Variants in ANKRD55 observed in about 807,000 individuals in gnomAD.
ANKRD55 encodes the protein ankyrin repeat domain 55, also known as ankyrin repeat domain-containing protein 55.
ANKRD55 carries 41 observed loss-of-function variants against 60.6 expected under a neutral mutation model. That is an observed-to-expected ratio of 0.68 (90% confidence interval 0.53 to 0.88). The LOEUF is 0.88. Among genes scored for constraint, ANKRD55 ranks in the 40% least tolerant of loss-of-function variants. ANKRD55 has a pLI of 0.00. For synonymous variants in ANKRD55, 264 were observed against 290.3 expected (o/e 0.91, Z 0.92); for missense variants, 732 against 767.6 (o/e 0.95, Z 0.55).
At chr5:56,162,669 G>T (rs1204365962) in intron 5 of ANKRD55, among the ~76,000 whole-genome samples, 1 of 105,926 alleles carries the variant, frequency 9.4e-6, no homozygotes, top group Non-Finnish European at 1.9e-5. Context: ...TCAATTTTTG[G>T]TCAATTTTTT....
rs1227936469 is a variant in ANKRD55, at chr5:56,127,061, C to T, written c.658G>A (p.Gly220Arg). 1.4e-5 allele frequency: 22 copies of T among 1,613,434 alleles called. No homozygotes were observed. The highest frequency in any genetic ancestry group is 1.8e-5 in the Non-Finnish European group (21 of 1,179,760). The change falls in exon 8 of 12, where the codon GGG becomes AGG. Residue 220 changes from glycine to arginine, a missense_variant. Gly to Arg is a moderately radical substitution (Grantham distance 125). Around this residue, in one of 3 missense-constraint regions of ANKRD55, gnomAD observed 597 missense variants for 607.5 expected, o/e 0.98. Coordinates refer to ENST00000341048, the MANE Select transcript of ANKRD55 (RefSeq NM_024669.3). ...TCATCATAGTTGATTATGGACGGCC[C>T]CTGGTGATGGCTCAGAATGATGGAG... The part of the protein sequence containing the change: ...LCSIILSHHQ[G>R]PSIINYDDES...
chr5:56,221,422 C>T (rs142252060), intron 2 of ANKRD55, among the ~76,000 whole-genome samples: 94 of 152,266 alleles, frequency 6.2e-4, no homozygotes, highest in African/African-American at 1.9e-3. Context: ...GCGTGAGTGA[C>T]GCAAAAGACA....
intron 2 of ANKRD55, among the ~76,000 whole-genome samples, chr5:56,229,150 A>T (rs1340626544): frequency 1.4e-5 from 2 of 144,424 alleles, no homozygotes; most frequent in Non-Finnish European, 1.5e-5. Context: ...TTTCAGGCGC[A>T]GCAAAACTTT....
intron 2 of ANKRD55, among the ~76,000 whole-genome samples, chr5:56,216,622 C>A (rs1026161981): frequency 6.6e-6 from 1 of 152,190 alleles, no homozygotes; most frequent in Non-Finnish European, 1.5e-5. Context: ...AGAGAAACAG[C>A]TTTATTGCAG....
At chr5:56,103,536 G>C (rs1756355002) in intron 10 of ANKRD55, among the ~76,000 whole-genome samples, 1 of 152,168 alleles carries the variant, frequency 6.6e-6, no homozygotes, top group South Asian at 2.1e-4. Flanking sequence ...AATTAGGCTT[G>C]ATTCCCTGCT....
intron 2 of ANKRD55, among the ~76,000 whole-genome samples, chr5:56,206,106 G>C (rs1287043962): frequency 6.6e-6 from 1 of 151,742 alleles, no homozygotes. Context: ...CTCCCGAGTA[G>C]CTGGGACTAC....
chr5:56,206,631 C>T (rs576375115), intron 2 of ANKRD55, among the ~76,000 whole-genome samples: 2 of 152,226 alleles, frequency 1.3e-5, no homozygotes, highest in East Asian at 3.9e-4. Flanking sequence ...TTGTGTACCT[C>T]TGCTCTTTCC....
intron 5 of ANKRD55, among the ~76,000 whole-genome samples, chr5:56,166,088 T>TC (rs775541687): frequency 6.5e-5 from 1 of 15,310 alleles, no homozygotes; most frequent in Admixed American, 5.6e-4. Flanking sequence ...TCTTTTCTTT[T>TC]TCTTTCTTTC....
At chr5:56,109,038 AACACACACACACACACAC>A (rs60023559) in intron 10 of ANKRD55, among the ~76,000 whole-genome samples, 4 of 143,968 alleles carry the variant, frequency 2.8e-5, no homozygotes, top group African/African-American at 1.1e-4. Flanking sequence ...TCTGTCTCAA[AACACACACACACACACAC>A]ACACACACAC....
At chr5:56,141,632 C>T (rs142009222) in intron 7 of ANKRD55, among the ~76,000 whole-genome samples, 187 of 152,152 alleles carry the variant, frequency 1.2e-3, no homozygotes, top group African/African-American at 4.3e-3. Context: ...GGTGGCACAC[C>T]CAGAGAGGGC....
intron 2 of ANKRD55, among the ~76,000 whole-genome samples, chr5:56,212,324 T>G (rs1349131529): frequency 6.6e-6 from 1 of 152,200 alleles, no homozygotes; most frequent in Non-Finnish European, 1.5e-5. Flanking sequence ...AAGGCATTTA[T>G]GAAATTTGAC....
intron 6 of ANKRD55, among the ~76,000 whole-genome samples, chr5:56,157,947 G>C (rs1758237026): frequency 6.6e-6 from 1 of 152,090 alleles, no homozygotes; most frequent in African/African-American, 2.4e-5. Context: ...CACAGGTATG[G>C]AGGGGCAGGC....
chr5:56,213,704 A>G (rs1425437368), intron 2 of ANKRD55, among the ~76,000 whole-genome samples: 1 of 152,180 alleles, frequency 6.6e-6, no homozygotes, highest in Non-Finnish European at 1.5e-5. Context: ...TTACGAGCAA[A>G]GGGAGAGTTT....
intron 2 of ANKRD55, chr5:56,192,834 G>C: frequency 1.4e-6 from 1 of 731,978 alleles, no homozygotes; most frequent in South Asian, 1.7e-5. Flanking sequence ...GTTATGACAG[G>C]CTCTCAAAAC....
chr5:56,117,441 T>C (rs1756915228), intron 8 of ANKRD55, among the ~76,000 whole-genome samples: 1 of 152,156 alleles, frequency 6.6e-6, no homozygotes, highest in South Asian at 2.1e-4. Flanking sequence ...TACTTGACTT[T>C]TAATTTATTT....
At chr5:56,183,741 G>C in intron 2 of ANKRD55, 107 bp from the exon 3 acceptor site, 7 of 1,422,672 alleles carry the variant, frequency 4.9e-6, no homozygotes, top group Non-Finnish European at 6.7e-6. Context: ...AACTTCTCAA[G>C]TGAATCCAGG....
chr5:56,120,651 C>G (rs190339290), intron 8 of ANKRD55, among the ~76,000 whole-genome samples: 8 of 151,970 alleles, frequency 5.3e-5, no homozygotes, highest in African/African-American at 7.2e-5. Flanking sequence ...TGTAATCCCA[C>G]CACTTTGGGA....
intron 5 of ANKRD55, among the ~76,000 whole-genome samples, chr5:56,168,575 C>G (rs1035087817): frequency 6.6e-6 from 1 of 152,110 alleles, no homozygotes; most frequent in African/African-American, 2.4e-5. Context: ...CTAATTTGTA[C>G]GCTAAATTTT....
chr5:56,101,570 T>G (rs879350089), intron 11 of ANKRD55, among the ~76,000 whole-genome samples: 9 of 152,204 alleles, frequency 5.9e-5, no homozygotes, highest in Non-Finnish European at 1.3e-4. Flanking sequence ...ATTATTATTA[T>G]GCTTCAGAGT....
Sources: gnomAD v4.1 joint callset for allele counts (sites outside exome capture counted in the v4.1 genomes callset) on GRCh38, gnomAD v4.1.1 for gene constraint, gnomAD v4.1.1 regional missense constraint, MANE v1.5 for transcripts, NCBI Gene and HGNC (gene_info 2026-07-23, HGNC 2026-07-21) for gene names.